FBXO15: variants seen among roughly 807,000 people sequenced by gnomAD.
FBXO15 encodes F-box protein 15, also known as F-box only protein 15.
A neutral mutation model predicts 49.5 loss-of-function variants in FBXO15; 30 were observed. The observed-to-expected ratio is 0.61, with a 90% CI of 0.45 to 0.82. The LOEUF (loss-of-function observed/expected upper bound fraction) is 0.82. Among genes scored for constraint, FBXO15 ranks in the 40% least tolerant of loss-of-function variants. The probability of loss-of-function intolerance (pLI) is 0.00; values close to 1 mark genes in which losing one functional copy is unlikely to be tolerated. For missense variants in FBXO15, 591 were observed against 631.5 expected (o/e 0.94, Z 0.69); for synonymous variants, 250 against 232.7 (o/e 1.07, Z -0.68).
chr18:74,087,602 T>A (rs986449579), intron 8 of FBXO15, among the ~76,000 whole-genome samples: 1 of 152,248 alleles, frequency 6.6e-6, no homozygotes, highest in Non-Finnish European at 1.5e-5. Context: ...CCACATTTTA[T>A]CCAGTCTACC....
intron 6 of FBXO15, among the ~76,000 whole-genome samples, chr18:74,125,298 G>C (rs1338399149): frequency 6.6e-6 from 1 of 152,220 alleles, no homozygotes; most frequent in Non-Finnish European, 1.5e-5. Flanking sequence ...ACAGAAAGGG[G>C]AGGAGGGAAA....
intron 5 of FBXO15, among the ~76,000 whole-genome samples, chr18:74,127,436 A>G (rs1978292740): frequency 6.6e-6 from 1 of 152,250 alleles, no homozygotes; most frequent in Non-Finnish European, 1.5e-5. Flanking sequence ...GTCTGACTAG[A>G]AAGGTATAAA....
chr18:74,135,556 T>C (rs574285105), intron 3 of FBXO15, among the ~76,000 whole-genome samples: 1 of 152,346 alleles, frequency 6.6e-6, no homozygotes, highest in South Asian at 2.1e-4. Flanking sequence ...AGTTTGATTT[T>C]TTTGTTCCAT....
In FBXO15 at chr18:74,123,628, A is replaced by C. The variant is rs1297747870; in HGVS notation, c.996-118T>G. 5 of 1,080,636 alleles carry C rather than the reference A, an allele frequency of 4.6e-6. No homozygotes were observed. In the South Asian group the frequency reaches 8.4e-5, roughly 18 times the overall value. The allele number at this position is 1,080,636 out of a possible 1,614,324, so 66.9% of individuals were successfully genotyped here. A position where few individuals can be genotyped will look rare whatever the true frequency, so the allele number is the denominator to read the frequency against. On this transcript the variant is annotated intron_variant, in intron 7 of 9. Coordinates refer to ENST00000419743, the MANE Select transcript of FBXO15 (RefSeq NM_001142958.2). The stretch of plus-strand genomic sequence containing the variant: ...ATCAAAGCACTACCTCCTACAAATG[A>C]AACTCCATAGGATTCCCTATAATCT...
intron 8 of FBXO15, among the ~76,000 whole-genome samples, chr18:74,110,909 C>T (rs765337236): frequency 1.5e-4 from 23 of 152,138 alleles, no homozygotes; most frequent in Middle Eastern, 3.4e-3. Context: ...AAAATATCTG[C>T]GGCAAAAACT....
At chr18:74,114,201 C>T (rs1482294837) in intron 8 of FBXO15, among the ~76,000 whole-genome samples, 3 of 152,128 alleles carry the variant, frequency 2.0e-5, no homozygotes, top group Non-Finnish European at 2.9e-5. Flanking sequence ...GAGTAAAAAC[C>T]CGGGGTGCTG....
intron 8 of FBXO15, among the ~76,000 whole-genome samples, chr18:74,116,304 T>TA (rs1368279891): frequency 1.3e-5 from 2 of 152,218 alleles, no homozygotes; most frequent in African/African-American, 4.8e-5. Flanking sequence ...ACTTTCTCAT[T>TA]AAAAATTTGA....
chr18:74,147,626 CG>C, intron 1 of FBXO15, 43 bp downstream of exon 1: 1 of 1,370,948 alleles, frequency 7.3e-7, no homozygotes, highest in Non-Finnish European at 9.4e-7. Flanking sequence ...CGCGCAGTGA[CG>C]GGCTTCCCGC....
chr18:74,109,349 G>A (rs1913907608), intron 8 of FBXO15, among the ~76,000 whole-genome samples: 1 of 152,158 alleles, frequency 6.6e-6, no homozygotes, highest in Admixed American at 6.5e-5. Flanking sequence ...GAGAAGATAT[G>A]GAGAAACAGG....
chr18:74,084,468 T>C (rs1912646555), intron 8 of FBXO15, among the ~76,000 whole-genome samples: 1 of 152,242 alleles, frequency 6.6e-6, no homozygotes, highest in Admixed American at 6.5e-5. Flanking sequence ...GTTCTGAGGC[T>C]GCTAATGGTT....
At position 74,147,712 on chromosome 18, in the gene FBXO15, C is replaced by A; in HGVS notation, c.74G>T (p.Gly25Val). Reference sequence around the variant, plus strand: ...GGCGCGCCCCCGGGCCGCGCCACCGCCCCTGCTGGGCCCGCGCAGCGTCTG... The same window carrying A: ...GGCGCGCCCCCGGGCCGCGCCACCGACCCTGCTGGGCCCGCGCAGCGTCTG... ...GLQTLRGPSR[G>V]GGAARGRARA... The change falls in exon 1 of 10, where the codon GGC becomes GTC. Residue 25 changes from glycine to valine, a missense_variant. Coordinates refer to ENST00000419743, the MANE Select transcript of FBXO15 (RefSeq NM_001142958.2). 1.3e-6 allele frequency: 2 copies of A among 1,531,466 alleles called. No individual in the cohort carries two copies. Among genetic ancestry groups the A allele is most frequent in the Non-Finnish European group, 1.8e-6 (2 of 1,141,548 alleles). The allele number at this position is 1,531,466 out of a possible 1,614,324, so 94.9% of individuals were successfully genotyped here. A position where few individuals can be genotyped will look rare whatever the true frequency, so the allele number is the denominator to read the frequency against.
intron 1 of FBXO15, 85 bp from the exon 2 acceptor site, chr18:74,140,397 T>A: frequency 8.3e-7 from 1 of 1,205,884 alleles, no homozygotes; most frequent in Non-Finnish European, 1.1e-6. Flanking sequence ...TCCAAAGGAT[T>A]CATAAACTCC....
At chr18:74,115,765 C>T (rs1599164566) in intron 8 of FBXO15, among the ~76,000 whole-genome samples, 2 of 152,146 alleles carry the variant, frequency 1.3e-5, no homozygotes, top group South Asian at 4.1e-4. Context: ...AATAGCTACT[C>T]ATGACTTTTT....
intron 8 of FBXO15, among the ~76,000 whole-genome samples, chr18:74,119,560 T>A (rs945473611): frequency 5.9e-5 from 9 of 151,806 alleles, no homozygotes; most frequent in Admixed American, 5.9e-4. Context: ...GCAAAGTGGG[T>A]AAAGCCTCAC....
chr18:74,128,386 C>T, intron 5 of FBXO15, among the ~76,000 whole-genome samples: 1 of 151,822 alleles, frequency 6.6e-6, no homozygotes, highest in African/African-American at 2.4e-5. Context: ...GAACCCTGTC[C>T]CTCCATAGAG....
intron 8 of FBXO15, among the ~76,000 whole-genome samples, chr18:74,109,557 T>G (rs1018726512): frequency 2.0e-5 from 3 of 152,146 alleles, no homozygotes; most frequent in East Asian, 3.9e-4. Context: ...CTATTCACAA[T>G]AGCAAAGACT....
intron 8 of FBXO15, among the ~76,000 whole-genome samples, chr18:74,106,212 T>C (rs764779570): frequency 1.2e-4 from 19 of 152,012 alleles, no homozygotes; most frequent in Non-Finnish European, 2.6e-4. Flanking sequence ...AAATACTCAA[T>C]CTAAAGAAAA....
intron 1 of FBXO15, 162 bp downstream of exon 1, chr18:74,147,508 T>C: frequency 1.6e-6 from 2 of 1,251,324 alleles, no homozygotes; most frequent in Non-Finnish European, 1.0e-6. Flanking sequence ...CGTTGCAGGG[T>C]AGAAAGGATT....
chr18:74,097,440 C>G (rs1023632277), intron 8 of FBXO15: 1 of 152,604 alleles, frequency 6.6e-6, no homozygotes, highest in African/African-American at 2.4e-5. Flanking sequence ...GAAGTGAGAT[C>G]AGCCTTTTAG....
Sources: gnomAD v4.1 joint callset for allele counts (sites outside exome capture counted in the v4.1 genomes callset) on GRCh38, gnomAD v4.1.1 for gene constraint, MANE v1.5 for transcripts, NCBI Gene and HGNC (gene_info 2026-07-23, HGNC 2026-07-21) for gene names.